PUM2: variants seen among roughly 807,000 people sequenced by gnomAD.
The protein encoded by PUM2 is pumilio RNA binding family member 2, also known as pumilio homolog 2.
Under a neutral mutation model 124.5 loss-of-function variants are expected in PUM2, and 57 were observed. The observed-to-expected ratio is 0.46, with a 90% CI of 0.37 to 0.57. The LOEUF (loss-of-function observed/expected upper bound fraction) is 0.57. Among genes scored for constraint, PUM2 ranks in the 20% least tolerant of loss-of-function variants. The pLI is 0.00. For synonymous variants in PUM2, 460 were observed against 446.1 expected (o/e 1.03, Z -0.39); for missense variants, 1,065 against 1,290.6 (o/e 0.83, Z 2.68).
intron 1 of PUM2, among the ~76,000 whole-genome samples, chr2:20,332,282 AGTGT>A (rs55986830): frequency 0.025 from 3,575 of 145,388 alleles, 53 homozygotes; most frequent in Middle Eastern, 0.042. Context: ...ATACTACTAG[AGTGT>A]GTGTGTGTGT....
intron 13 of PUM2, among the ~76,000 whole-genome samples, chr2:20,277,149 T>G (rs1263758478): frequency 6.6e-6 from 1 of 152,110 alleles, no homozygotes; most frequent in African/African-American, 2.4e-5. Flanking sequence ...GATCTGAAAC[T>G]TACCTATGAA....
In PUM2 at chr2:20,278,672, C is replaced by A. The variant is rs776890045; in HGVS notation, c.1868G>T (p.Gly623Val). Residue 623 changes from glycine to valine, a missense_variant, in exon 13 of 21, where the codon GGC (glycine) becomes GTC (valine). Physicochemically the swap from Gly to Val is moderately radical, Grantham distance 109. Transcript: ENST00000361078. ...LGFSSSPSPI[G>V]MPLPSQTPGH... is the part of the protein sequence containing the mutation. ...TGGAGTTTGGCTTGGCAGAGGCATG[C>A]CTATTGGACTTGGAGAGGAGGAAAA... The A allele has an allele frequency of 6.6e-5, 106 of 1,613,138 alleles. No homozygotes were observed. The Middle Eastern group carries it at 6.6e-4, about 10-fold the overall frequency.
Position 20,297,575 on chromosome 2 carries a change from C to T in PUM2, c.987G>A (p.Leu329=). The T allele has an allele frequency of 6.2e-7, 1 of 1,609,534 alleles. No homozygotes were observed. The highest frequency in any genetic ancestry group is 8.5e-7 in the Non-Finnish European group (1 of 1,177,366). Residue 329 remains leucine, a synonymous_variant, in exon 8 of 21, where the codon TTG becomes TTA. Transcript: ENST00000361078. ...PGTDPYTAAG[L]AAAATLAGPA... The stretch of plus-strand genomic sequence containing the variant: ...TACCTGCTAATGTAGCTGCTGCAGC[C>T]AATCCTGCTGCAGTATACGGATCGG...
intron 7 of PUM2, among the ~76,000 whole-genome samples, chr2:20,300,396 GC>G (rs1676691265): frequency 6.6e-6 from 1 of 152,150 alleles, no homozygotes; most frequent in Non-Finnish European, 1.5e-5. Flanking sequence ...TGATCCGCCC[GC>G]CTTGGCCTCC....
At position 20,308,009 on chromosome 2, in the gene PUM2, A is replaced by G. The variant is rs768371997; in HGVS notation, c.852T>C (p.Tyr284=). Residue 284 remains tyrosine (Y), a synonymous_variant, in exon 7 of 21, where the codon TAT becomes TAC. Coordinates refer to ENST00000361078, the MANE Select transcript of PUM2 (RefSeq NM_015317.5). ...GTGGCTGCTGAGCTGCTGCTAATGC[A>G]TATTGCTGCTGTTGAGCTGCAGTTA... The part of the protein sequence containing the change: ...QQLTAAQQQQ[Y]ALAAAQQPHI... 2.5e-6 allele frequency: 4 copies of G among 1,613,450 alleles called. No individual in the cohort carries two copies. The highest frequency in any genetic ancestry group is 3.4e-6 in the Non-Finnish European group (4 of 1,179,386).
chr2:20,299,891 A>G (rs1676541728), intron 7 of PUM2, among the ~76,000 whole-genome samples: 1 of 152,210 alleles, frequency 6.6e-6, no homozygotes, highest in African/African-American at 2.4e-5. Context: ...GGTACATTTT[A>G]AAATTTTCTG....
In PUM2 at chr2:20,251,261, GACTTT is replaced by G; in HGVS notation, c.*319_*323del. 5.2e-6 allele frequency: 1 copy of G among 192,902 alleles called. No homozygotes were observed. The highest frequency in any genetic ancestry group is 1.1e-5 in the Non-Finnish European group (1 of 93,390). 11.9% of individuals were successfully genotyped at this position (192,902 alleles called of 1,614,324 possible). ...TTTTTCCTTTAAAAACTATTTTTGT[GACTTT>G]ACAAGGTAAAAATTTACAAAATATG... On this transcript the variant is annotated 3_prime_UTR_variant, in exon 21 of 21. Coordinates refer to ENST00000361078, the MANE Select transcript of PUM2 (RefSeq NM_015317.5).
At position 20,327,333 on chromosome 2, in the gene PUM2, A is replaced by G; in HGVS notation, c.28T>C (p.Leu10=). 1 of 1,581,486 alleles carries G rather than the reference A, an allele frequency of 6.3e-7. No homozygotes were observed. The highest frequency in any genetic ancestry group is 1.1e-5 in the South Asian group (1 of 90,240). ...ACCTCTCCCATTCCCCGAGATTCTA[A>G]TGCAAGAGCTTGAAAATCATGATTC... MNHDFQALA[L]ESRGMGELLP... is the part of the protein sequence containing the mutation. The change falls in exon 2 of 21, where the codon TTA becomes CTA. Residue 10 remains leucine (L), a synonymous_variant. Coordinates refer to ENST00000361078, the MANE Select transcript of PUM2 (RefSeq NM_015317.5).
intron 1 of PUM2, among the ~76,000 whole-genome samples, chr2:20,346,432 T>G (rs917268787): frequency 5.3e-5 from 8 of 152,250 alleles, no homozygotes; most frequent in African/African-American, 1.9e-4. Context: ...TCCTACAGTT[T>G]GCTTCATTTG....
chr2:20,259,689 G>C (rs549410944), intron 15 of PUM2, among the ~76,000 whole-genome samples: 1 of 152,046 alleles, frequency 6.6e-6, no homozygotes, highest in South Asian at 2.1e-4. Flanking sequence ...ATCTGTTGAC[G>C]GACACTTGGG....
At position 20,251,661 on chromosome 2, in the gene PUM2, G is replaced by A. The variant is rs1469096643; in HGVS notation, c.3119C>T (p.Ala1040Val). 6.2e-7 allele frequency: 1 copy of A among 1,613,468 alleles called. No homozygotes were observed. The highest frequency in any genetic ancestry group is 1.7e-5 in the Admixed American group (1 of 59,990). ...CTTCAAATAATACTTTTCCAACTTG[G>A]CCAGTATATGCTTCCCGTATGTGTA... ...RKYTYGKHIL[A>V]KLEKYYLKNS... is the part of the protein sequence containing the mutation. The change falls in exon 21 of 21, where the codon GCC becomes GTC. Residue 1040 changes from alanine to valine, a missense_variant. Physicochemically the swap from Ala to Val is moderately conservative, Grantham distance 64. Coordinates refer to ENST00000361078, the MANE Select transcript of PUM2 (RefSeq NM_015317.5).
chr2:20,290,342 A>C (rs1673730838), intron 10 of PUM2, among the ~76,000 whole-genome samples: 1 of 152,184 alleles, frequency 6.6e-6, no homozygotes, highest in African/African-American at 2.4e-5. Flanking sequence ...ACTCTCAATA[A>C]CTGTTTTACT....
chr2:20,332,587 T>A lies in PUM2; in HGVS notation c.-18-5209A>T, dbSNP rs139616649. 1.8e-4 allele frequency among the ~76,000 whole-genome samples: 28 copies of A among 152,132 alleles called. No homozygotes were observed. In the South Asian group the frequency reaches 5.2e-3, roughly 28 times the overall value. Reference sequence around the variant, plus strand: ...CATATCCATATAAACTATAATAAAGTTGAAGAGATGGGGAGACAGTTGCCC... The same window carrying A: ...CATATCCATATAAACTATAATAAAGATGAAGAGATGGGGAGACAGTTGCCC... On this transcript the variant is annotated intron_variant, in intron 1 of 20. Coordinates refer to ENST00000361078, the MANE Select transcript of PUM2 (RefSeq NM_015317.5).
chr2:20,318,681 T>C, intron 2 of PUM2, 36 bp from the exon 3 acceptor site: 2 of 1,428,368 alleles, frequency 1.4e-6, no homozygotes, highest in South Asian at 2.3e-5. Context: ...AATTTTATTC[T>C]AATTACAAAG....
At chr2:20,311,832 C>G (rs1265550056) in intron 4 of PUM2, among the ~76,000 whole-genome samples, 169 bp from the exon 5 acceptor site, 1 of 152,082 alleles carries the variant, frequency 6.6e-6, no homozygotes, top group African/African-American at 2.4e-5. Context: ...TGCGTACAAA[C>G]TAGTGATTTA....
chr2:20,324,372 G>T (rs1683160025), intron 2 of PUM2, among the ~76,000 whole-genome samples: 1 of 152,098 alleles, frequency 6.6e-6, no homozygotes, highest in African/African-American at 2.4e-5. Flanking sequence ...AAAGACAGGA[G>T]AGAGCACTGC....
At position 20,283,044 on chromosome 2, in the gene PUM2, A is replaced by G. The variant is rs531013950; in HGVS notation, c.1623T>C (p.His541=). 3.9e-5 allele frequency: 63 copies of G among 1,614,108 alleles called. 1 individual carries two copies. In the South Asian group the frequency reaches 5.8e-4, roughly 15 times the overall value. Residue 541 remains histidine (H), a synonymous_variant, in exon 12 of 21, where the codon CAT becomes CAC. Transcript: ENST00000361078. ...NSSQSSSLFS[H]GPGQPGSTSL... ...ATGTACTTCCAGGTTGACCAGGTCC[A>G]TGAGAAAATAAAGAACTACTCTGGG...
chr2:20,347,150 A>C (rs1688395847), intron 1 of PUM2, among the ~76,000 whole-genome samples: 1 of 152,232 alleles, frequency 6.6e-6, no homozygotes, highest in African/African-American at 2.4e-5. Context: ...CGCAACCTGA[A>C]AATGGTTGGG....
chr2:20,285,074 C>A (rs1672415108), intron 10 of PUM2, among the ~76,000 whole-genome samples: 1 of 152,152 alleles, frequency 6.6e-6, no homozygotes, highest in Non-Finnish European at 1.5e-5. Flanking sequence ...AAAAGTAAAT[C>A]CATTTGGACA....
Sources: allele counts gnomAD v4.1 joint callset (sites outside exome capture counted in the v4.1 genomes callset), GRCh38; gene constraint gnomAD v4.1.1; transcripts MANE v1.5; gene names NCBI Gene and HGNC (gene_info 2026-07-23, HGNC 2026-07-21).